Variants in PCDHA5 observed in about 807,000 individuals in gnomAD.
The protein encoded by PCDHA5 is protocadherin alpha 5.
In PCDHA5, 43 loss-of-function variants were observed where a neutral mutation model predicts 61.6. The ratio of observed to expected loss-of-function variants is 0.70; its 90% CI spans 0.55 to 0.90. The LOEUF (loss-of-function observed/expected upper bound fraction) is 0.90, where lower values mean the gene tolerates loss of function less well. Ranked by LOEUF, PCDHA5 falls within the 40% of genes least tolerant of loss-of-function variation. The pLI is 0.00. For synonymous variants in PCDHA5, 627 were observed against 543.9 expected (o/e 1.15, Z -2.13); for missense variants, 1,298 against 1,222.7 (o/e 1.06, Z -0.92).
chr5:140,830,377 G>A, intron 1 of PCDHA5: 2 of 1,614,174 alleles, frequency 1.2e-6, no homozygotes, highest in South Asian at 1.1e-5. Flanking sequence ...GCTCCGGGGA[G>A]GGCCCACCCA....
chr5:140,916,687 T>G (rs265312), intron 1 of PCDHA5, among the ~76,000 whole-genome samples: 87,944 of 152,010 alleles, frequency 0.58, 26,395 homozygotes, highest in African/African-American at 0.75. Flanking sequence ...TTTACTCTTT[T>G]CTCTCCTCTC....
chr5:140,915,488 C>T (rs2077146969), intron 1 of PCDHA5, among the ~76,000 whole-genome samples: 1 of 152,126 alleles, frequency 6.6e-6, no homozygotes, highest in Non-Finnish European at 1.5e-5. Flanking sequence ...GGGCCTCAAT[C>T]CCAATAATAC....
At chr5:140,857,294 A>G in intron 1 of PCDHA5, 2 of 1,598,576 alleles carry the variant, frequency 1.3e-6, no homozygotes, top group Non-Finnish European at 1.7e-6. Context: ...GGACCGCGAG[A>G]GGGTGTCGGC....
intron 1 of PCDHA5, chr5:140,857,282 C>T: frequency 6.3e-7 from 1 of 1,598,744 alleles, no homozygotes; most frequent in Non-Finnish European, 8.6e-7. Flanking sequence ...GGACAGCGCT[C>T]TGGACCGCGA....
At chr5:140,900,489 C>G (rs1429058590) in intron 1 of PCDHA5, among the ~76,000 whole-genome samples, 8 of 152,196 alleles carry the variant, frequency 5.3e-5, no homozygotes, top group African/African-American at 1.7e-4. Context: ...GTTGGTCAGA[C>G]TGGTCTCAAA....
chr5:140,822,242 C>G lies in PCDHA5; in HGVS notation c.467C>G (p.Ala156Gly). Residue 156 changes from alanine to glycine, a missense_variant, in exon 1 of 4, where the codon GCG (alanine) becomes GGG (glycine). Coordinates refer to ENST00000529859, the MANE Select transcript of PCDHA5 (RefSeq NM_018908.3). ...MPDSRFPLEG[A>G]SDLDIGANAQ... ...GATTCGCGGTTTCCGCTAGAGGGCGCGTCGGATTTGGATATTGGAGCAAAT... is the reference window on the plus strand; with the variant it reads ...GATTCGCGGTTTCCGCTAGAGGGCGGGTCGGATTTGGATATTGGAGCAAAT... 1 of 1,614,156 alleles carries G rather than the reference C, an allele frequency of 6.2e-7. No individual in the cohort carries two copies. The highest frequency in any genetic ancestry group is 8.5e-7 in the Non-Finnish European group (1 of 1,180,038).
chr5:140,941,224 T>TTTCTTTCTTTCTTTCTTTCTTTCC (rs2092912857), intron 1 of PCDHA5, among the ~76,000 whole-genome samples: 1 of 137,372 alleles, frequency 7.3e-6, no homozygotes, highest in Non-Finnish European at 1.6e-5. Context: ...CCTTTCTTTC[T>TTTCTTTCTTTCTTTCTTTCTTTCC]TTCTTTCTTT....
chr5:140,834,272 C>A, intron 1 of PCDHA5: 1 of 1,066,346 alleles, frequency 9.4e-7, no homozygotes, highest in Non-Finnish European at 1.4e-6. Flanking sequence ...CTCTTTCACT[C>A]TTTGGATGCA....
At chr5:140,832,466 T>A (rs1022367825) in intron 1 of PCDHA5, among the ~76,000 whole-genome samples, 6 of 152,304 alleles carry the variant, frequency 3.9e-5, no homozygotes, top group Admixed American at 1.3e-4. Flanking sequence ...CACTAAAATT[T>A]AAAAAAACTA....
chr5:140,958,204 G>T (rs2095413529), intron 1 of PCDHA5, among the ~76,000 whole-genome samples: 2 of 152,042 alleles, frequency 1.3e-5, no homozygotes, highest in South Asian at 2.1e-4. Flanking sequence ...AGTATACAAG[G>T]GAATTAGATT....
chr5:141,006,338 A>G (rs1201287903), intron 3 of PCDHA5, among the ~76,000 whole-genome samples: 13 of 151,820 alleles, frequency 8.6e-5, no homozygotes, highest in African/African-American at 3.1e-4. Flanking sequence ...CAGCCTCCTG[A>G]GTAGCTGGGA....
chr5:140,856,495 T>G lies in PCDHA5; in HGVS notation c.2352+32368T>G, dbSNP rs1554148773. 5.0e-6 allele frequency: 8 copies of G among 1,598,330 alleles called. 1 individual carries two copies. Among genetic ancestry groups the G allele is most frequent in the African/African-American group, 2.7e-5 (2 of 74,276 alleles). ...TACCTGAATCCAGACTGCTTGACTC[T>G]CGATTTCCACTAGAAGGCGCATCTG... On this transcript the variant is annotated intron_variant, in intron 1 of 3. Transcript: ENST00000529859.
intron 1 of PCDHA5, chr5:140,966,476 C>T (rs1326063829): frequency 1.8e-5 from 8 of 432,854 alleles, no homozygotes; most frequent in Non-Finnish European, 2.8e-5. Flanking sequence ...CTTCTGTTTC[C>T]TTTTCCCTCC....
chr5:140,972,515 G>A (rs572041832), intron 1 of PCDHA5, among the ~76,000 whole-genome samples: 1 of 152,166 alleles, frequency 6.6e-6, no homozygotes, highest in South Asian at 2.1e-4. Flanking sequence ...TTTACCCCCA[G>A]TGAGCTTATT....
chr5:140,879,557 T>C (rs1554170871), intron 1 of PCDHA5, among the ~76,000 whole-genome samples: 1 of 152,152 alleles, frequency 6.6e-6, no homozygotes, highest in Non-Finnish European at 1.5e-5. Flanking sequence ...AAATAATCCA[T>C]GAAAGAATAA....
chr5:140,866,542 C>T (rs533433206), intron 1 of PCDHA5: 19 of 152,230 alleles, frequency 1.2e-4, no homozygotes, highest in African/African-American at 3.4e-4. Context: ...ATTAGCATCA[C>T]GGAATAAATC....
In PCDHA5 at chr5:140,823,119, C is replaced by T; in HGVS notation, c.1344C>T (p.Asn448=). The change falls in exon 1 of 4, where the codon AAC becomes AAT. Residue 448 remains asparagine (N), a synonymous_variant. Transcript: ENST00000529859. ...ASVSVEVADV[N]DNAPAFAQPQ... is the part of the protein sequence containing the mutation. ...TGTCTGTGGAAGTGGCCGACGTGAA[C>T]GACAACGCTCCGGCGTTCGCGCAGC... is the stretch of plus-strand genomic sequence containing the variant. 1 of 1,614,054 alleles carries T rather than the reference C, an allele frequency of 6.2e-7. No homozygotes were observed. Among genetic ancestry groups the T allele is most frequent in the Non-Finnish European group, 8.5e-7 (1 of 1,179,978 alleles).
intron 1 of PCDHA5, among the ~76,000 whole-genome samples, chr5:140,937,729 G>A (rs1471512736): frequency 1.3e-5 from 2 of 151,886 alleles, no homozygotes; most frequent in African/African-American, 4.8e-5. Context: ...TGGCTAACAC[G>A]GTGAAACCCC....
intron 3 of PCDHA5, among the ~76,000 whole-genome samples, chr5:140,998,480 G>A (rs782244125): frequency 6.6e-6 from 1 of 151,974 alleles, no homozygotes; most frequent in Non-Finnish European, 1.5e-5. Context: ...CCACTGTGCT[G>A]TAACTCTTTG....
Sources: gnomAD v4.1 joint callset for allele counts (sites outside exome capture counted in the v4.1 genomes callset) on GRCh38, gnomAD v4.1.1 for gene constraint, MANE v1.5 for transcripts, NCBI Gene and HGNC (gene_info 2026-07-23, HGNC 2026-07-21) for gene names.